Variants in PPIG observed in about 807,000 individuals in gnomAD.
PPIG encodes the protein peptidyl-prolyl cis-trans isomerase G.
In PPIG, 26 loss-of-function variants were observed where a neutral mutation model predicts 87.9. That is an observed-to-expected ratio of 0.30 (90% confidence interval 0.22 to 0.41). The LOEUF is 0.41. PPIG is among the 10% of genes least tolerant of loss of function. The pLI is 1.00. For missense variants in PPIG, 722 were observed against 879.4 expected (o/e 0.82, Z 2.26); for synonymous variants, 308 against 276.5 (o/e 1.11, Z -1.13).
At chr2:169,605,394 T>A (rs1685295752) in intron 4 of PPIG, among the ~76,000 whole-genome samples, 1 of 152,048 alleles carries the variant, frequency 6.6e-6, no homozygotes, top group Non-Finnish European at 1.5e-5. Context: ...TCCCAGCTAC[T>A]CTGGAGGATG....
In PPIG at chr2:169,606,155, T is replaced by C. The variant is rs750385380; in HGVS notation, c.244+9T>C. The C allele has an allele frequency of 9.6e-6, 15 of 1,554,912 alleles. No homozygotes were observed. ...TGGTGACTTCAGTGAAGGTGAGACT[T>C]GGAAAAATCATGTATTATTTTCTGT... On this transcript the variant is annotated intron_variant, in intron 5 of 13. Transcript: ENST00000260970.
chr2:169,630,910 G>A lies in PPIG; in HGVS notation c.684G>A (p.Lys228=), dbSNP rs1686030233. ...AAAGTGCTACTGAAGAGAAATCAAA[G>A]AAAAGAAAAAAGAAACATCGGAAAA... ...DSESATEEKS[K]KRKKKHRKNS... Residue 228 remains lysine, a synonymous_variant, in exon 10 of 14, where the codon AAG becomes AAA. Coordinates refer to ENST00000260970, the MANE Select transcript of PPIG (RefSeq NM_004792.3). 3.8e-6 allele frequency: 6 copies of A among 1,598,094 alleles called. No individual in the cohort carries two copies. The highest frequency in any genetic ancestry group is 5.1e-6 in the Non-Finnish European group (6 of 1,175,240).
chr2:169,631,911 G>C lies in PPIG; in HGVS notation c.907G>C (p.Glu303Gln). The part of the protein sequence containing the change: ...KADEKERKNR[E>Q]RERERECNPP... ...TGATGAGAAGGAAAGGAAAAACAGAGAGAGAGAAAGGGAAAGAGAGTGGTA... is the reference window on the plus strand; with the variant it reads ...TGATGAGAAGGAAAGGAAAAACAGACAGAGAGAAAGGGAAAGAGAGTGGTA... The change falls in exon 11 of 14, where the codon GAG becomes CAG. Residue 303 changes from glutamate to glutamine, a missense_variant. This residue lies in a region of PPIG where 142 missense variants were observed against 152.8 expected (regional missense o/e 0.93). Coordinates refer to ENST00000260970, the MANE Select transcript of PPIG (RefSeq NM_004792.3). The C allele has an allele frequency of 6.2e-7, 1 of 1,602,090 alleles. No individual in the cohort carries two copies.
At chr2:169,608,349 C>T (rs7584911) in intron 6 of PPIG, among the ~76,000 whole-genome samples, 3,428 of 151,832 alleles carry the variant, frequency 0.023, 124 homozygotes, top group African/African-American at 0.078. Flanking sequence ...ATTAGCTGGG[C>T]GTGGTGATGG....
chr2:169,586,037 T>G (rs1463437837), intron 1 of PPIG, among the ~76,000 whole-genome samples: 1 of 152,176 alleles, frequency 6.6e-6, no homozygotes, highest in Non-Finnish European at 1.5e-5. Flanking sequence ...TTTTAATATA[T>G]CCTGAAAATT....
At chr2:169,597,503 T>C (rs1215105506) in intron 1 of PPIG, among the ~76,000 whole-genome samples, 5 of 35,800 alleles carry the variant, frequency 1.4e-4, no homozygotes, top group African/African-American at 3.8e-4. Context: ...TTTTCTTTTC[T>C]TTTTTTTTTT....
intron 1 of PPIG, among the ~76,000 whole-genome samples, chr2:169,594,505 G>T (rs1485241992): frequency 2.0e-5 from 3 of 151,842 alleles, no homozygotes; most frequent in Admixed American, 6.6e-5. Flanking sequence ...ACTGATACGT[G>T]TGAAATTGGG....
At chr2:169,631,741 G>A in intron 10 of PPIG, 25 bp from the exon 11 acceptor site, 1 of 1,613,188 alleles carries the variant, frequency 6.2e-7, no homozygotes, top group African/African-American at 1.3e-5. Context: ...ACTGTAACTT[G>A]TTTTGTGTGT....
chr2:169,605,576 G>T (rs1484491029), intron 4 of PPIG, among the ~76,000 whole-genome samples: 1 of 151,880 alleles, frequency 6.6e-6, no homozygotes, highest in African/African-American at 2.4e-5. Flanking sequence ...CGAGGTGGGT[G>T]GATCACTTGA....
At chr2:169,616,671 T>C (rs546272099) in intron 9 of PPIG, among the ~76,000 whole-genome samples, 1 of 152,320 alleles carries the variant, frequency 6.6e-6, no homozygotes, top group Admixed American at 6.5e-5. Context: ...GTTCGTATCC[T>C]TTGCCCGCTT....
Position 169,637,041 on chromosome 2 carries a change from G to C in PPIG, c.1783G>C (p.Glu595Gln). 1 of 1,613,770 alleles carries C rather than the reference G, an allele frequency of 6.2e-7. No homozygotes were observed. The highest frequency in any genetic ancestry group is 8.5e-7 in the Non-Finnish European group (1 of 1,179,936). The change falls in exon 14 of 14, where the codon GAA becomes CAA. Residue 595 changes from glutamate (E) to glutamine (Q), a missense_variant. Glu to Gln is a conservative substitution (Grantham distance 29). Transcript: ENST00000260970. ...AAGCAAGGAGTACCATAGATACAGA[G>C]AACAGGAATACAGGAGAAGAGGACG... is the stretch of plus-strand genomic sequence containing the variant. ...SRSKEYHRYR[E>Q]QEYRRRGRSR... is the part of the protein sequence containing the mutation.
chr2:169,592,024 T>C (rs1165683380), intron 1 of PPIG, among the ~76,000 whole-genome samples: 1 of 137,852 alleles, frequency 7.3e-6, no homozygotes, highest in Non-Finnish European at 1.5e-5. Flanking sequence ...CTTCCTGGGC[T>C]CAAATGATCC....
At chr2:169,633,860 T>G (rs1449782160) in intron 12 of PPIG, among the ~76,000 whole-genome samples, 3 of 149,538 alleles carry the variant, frequency 2.0e-5, no homozygotes, top group Non-Finnish European at 4.4e-5. Flanking sequence ...AGATGGAGTC[T>G]CAGTTTGTTG....
chr2:169,596,949 A>C (rs1574438763), intron 1 of PPIG, among the ~76,000 whole-genome samples: 1 of 151,774 alleles, frequency 6.6e-6, no homozygotes, highest in African/African-American at 2.4e-5. Flanking sequence ...TAATCTGCCC[A>C]CCTTCGCCTC....
chr2:169,593,890 T>C (rs1684941757), intron 1 of PPIG, among the ~76,000 whole-genome samples: 1 of 151,142 alleles, frequency 6.6e-6, no homozygotes, highest in South Asian at 2.1e-4. Context: ...CTCCTGACCT[T>C]GTGATCTGCC....
intron 1 of PPIG, 111 bp downstream of exon 1, chr2:169,584,601 T>C (rs1684646320): frequency 6.8e-6 from 3 of 443,554 alleles, no homozygotes; most frequent in South Asian, 4.9e-5. Flanking sequence ...CTGACCGGGT[T>C]GGGTTTACCG....
intron 4 of PPIG, among the ~76,000 whole-genome samples, 177 bp downstream of exon 4, chr2:169,604,438 A>G (rs1467845797): frequency 6.8e-6 from 1 of 146,906 alleles, no homozygotes; most frequent in Non-Finnish European, 1.5e-5. Context: ...CTCAGCTGGG[A>G]TACAGGTGTG....
At position 169,587,510 on chromosome 2, in the gene PPIG, T is replaced by C. The variant is rs527716189; in HGVS notation, c.-70+3020T>C. 1.2e-4 allele frequency among the ~76,000 whole-genome samples: 18 copies of C among 151,376 alleles called. 1 individual carries two copies. The highest frequency in any genetic ancestry group is 4.4e-4 in the African/African-American group (18 of 41,252). On this transcript the variant is annotated intron_variant, in intron 1 of 13. Transcript: ENST00000260970. Reference sequence around the variant, plus strand: ...CCACCTTGGCCTCCCAAAGTGCTAGTATTACAGGCGTGAGCCACCGTGCCC... The same window carrying C: ...CCACCTTGGCCTCCCAAAGTGCTAGCATTACAGGCGTGAGCCACCGTGCCC...
At chr2:169,617,909 A>T (rs1685645553) in intron 9 of PPIG, among the ~76,000 whole-genome samples, 2 of 152,162 alleles carry the variant, frequency 1.3e-5, no homozygotes, top group African/African-American at 4.8e-5. Context: ...AAGAGGTGAG[A>T]GTGGGCATCC....
Sources: gnomAD v4.1 joint callset for allele counts (sites outside exome capture counted in the v4.1 genomes callset) on GRCh38, gnomAD v4.1.1 for gene constraint, gnomAD v4.1.1 regional missense constraint, MANE v1.5 for transcripts, NCBI Gene and HGNC (gene_info 2026-07-23, HGNC 2026-07-21) for gene names.